Variants in MPP7 observed in about 807,000 individuals in gnomAD.
The protein encoded by MPP7 is MAGUK p55 subfamily member 7.
In MPP7, 60 loss-of-function variants were observed where a neutral mutation model predicts 76.5. The ratio of observed to expected loss-of-function variants is 0.78; its 90% CI spans 0.64 to 0.97. The LOEUF (loss-of-function observed/expected upper bound fraction) is 0.97, where lower values mean the gene tolerates loss of function less well. Among genes scored for constraint, MPP7 ranks in the 50% least tolerant of loss-of-function variants. The pLI, the probability that MPP7 is intolerant of heterozygous loss-of-function variation, is 0.00. For missense variants in MPP7, 641 were observed against 694.0 expected (o/e 0.92, Z 0.86); for synonymous variants, 237 against 244.5 (o/e 0.97, Z 0.29).
chr10:28,210,402 T>C (rs1454584947), intron 2 of MPP7, among the ~76,000 whole-genome samples: 1 of 152,218 alleles, frequency 6.6e-6, no homozygotes, highest in Non-Finnish European at 1.5e-5. Context: ...ATATCTCCTA[T>C]TGGTTTTGTT....
chr10:28,222,200 A>G (rs1838532331), intron 2 of MPP7, among the ~76,000 whole-genome samples: 2 of 138,014 alleles, frequency 1.4e-5, no homozygotes, highest in Admixed American at 7.2e-5. Context: ...TACTACGATT[A>G]AAAAAAAAAA....
intron 1 of MPP7, among the ~76,000 whole-genome samples, chr10:28,331,543 AATTT>A (rs1269584575): frequency 2.0e-5 from 3 of 152,120 alleles, no homozygotes; most frequent in African/African-American, 7.2e-5. Flanking sequence ...TTTAAAAAGC[AATTT>A]TCAGTTTGTA....
chr10:28,079,059 A>C (rs1377744693), intron 12 of MPP7, among the ~76,000 whole-genome samples: 1 of 152,170 alleles, frequency 6.6e-6, no homozygotes, highest in Non-Finnish European at 1.5e-5. Flanking sequence ...TCCCCAAATG[A>C]TCTTGAAATT....
intron 11 of MPP7, among the ~76,000 whole-genome samples, chr10:28,100,504 C>T (rs1853774229): frequency 6.6e-6 from 1 of 151,982 alleles, no homozygotes; most frequent in African/African-American, 2.4e-5. Flanking sequence ...TCTTACAAAA[C>T]AATGTCAGAA....
intron 1 of MPP7, among the ~76,000 whole-genome samples, chr10:28,249,208 A>C (rs2132836151): frequency 6.6e-6 from 1 of 151,230 alleles, no homozygotes; most frequent in African/African-American, 2.4e-5. Flanking sequence ...CAAAGGAAAA[A>C]GACTGCTAAT....
intron 1 of MPP7, among the ~76,000 whole-genome samples, chr10:28,265,588 A>C (rs1018911398): frequency 6.6e-6 from 1 of 152,148 alleles, no homozygotes; most frequent in Non-Finnish European, 1.5e-5. Context: ...ATGCCTTTAC[A>C]TCTTAAAAAA....
chr10:28,310,001 C>A (rs1841280841), intron 2 of MPP7, among the ~76,000 whole-genome samples: 1 of 101,356 alleles, frequency 9.9e-6, no homozygotes, highest in Admixed American at 9.1e-5. Flanking sequence ...GCCAATTAAA[C>A]CTTTTTTTTT....
chr10:28,142,884 G>C (rs763047534), intron 5 of MPP7, among the ~76,000 whole-genome samples: 9 of 152,126 alleles, frequency 5.9e-5, no homozygotes, highest in Non-Finnish European at 1.3e-4. Context: ...GATCAAAACT[G>C]TAAAATGTAC....
chr10:28,206,626 C>T, intron 2 of MPP7, among the ~76,000 whole-genome samples: 1 of 152,046 alleles, frequency 6.6e-6, no homozygotes, highest in East Asian at 1.9e-4. Flanking sequence ...AAATTATTTA[C>T]AATAACTTTG....
intron 13 of MPP7, among the ~76,000 whole-genome samples, chr10:28,067,038 T>C (rs1852018364): frequency 1.3e-5 from 2 of 152,184 alleles, no homozygotes; most frequent in Non-Finnish European, 1.5e-5. Flanking sequence ...AACGTACTTA[T>C]GCATTTCCAT....
chr10:28,251,208 T>C (rs879912677), intron 1 of MPP7, among the ~76,000 whole-genome samples: 2 of 152,208 alleles, frequency 1.3e-5, no homozygotes, highest in Non-Finnish European at 2.9e-5. Flanking sequence ...CTCAAGCCTG[T>C]AACACCAGCA....
chr10:28,057,384 T>A (rs928321702), intron 15 of MPP7, among the ~76,000 whole-genome samples: 2 of 152,128 alleles, frequency 1.3e-5, no homozygotes, highest in Non-Finnish European at 2.9e-5. Flanking sequence ...CCCTTGGTGC[T>A]GTCATCACAA....
At chr10:28,179,849 A>G (rs1837002464) in intron 3 of MPP7, among the ~76,000 whole-genome samples, 1 of 152,216 alleles carries the variant, frequency 6.6e-6, no homozygotes, top group Admixed American at 6.5e-5. Context: ...TACCATCTGT[A>G]TAATTTATAA....
rs1471742312 is a variant in MPP7 at position 28,299,680 on chromosome 10, CCTGA to C, written c.-132+3177_-132+3180del. On this transcript the variant is annotated intron_variant, in intron 1 of 16. Coordinates refer to ENST00000683449, the MANE Select transcript of MPP7 (RefSeq NM_001318170.2). ...AAACACAGTATCTTCAGAGAGCAAG[CCTGA>C]CTAACAATTTCCTTCACTTTAAATT... is the stretch of plus-strand genomic sequence containing the variant. 3.9e-5 allele frequency among the ~76,000 whole-genome samples: 6 copies of C among 152,056 alleles called. No homozygotes were observed. In the East Asian group the frequency reaches 9.6e-4, roughly 24 times the overall value.
chr10:28,257,489 G>T (rs377035666), intron 1 of MPP7, among the ~76,000 whole-genome samples: 1 of 149,012 alleles, frequency 6.7e-6, no homozygotes, highest in African/African-American at 2.5e-5. Flanking sequence ...GTAAACTATC[G>T]CAAGAACAAA....
chr10:28,229,946 T>C (rs111483795), intron 2 of MPP7, among the ~76,000 whole-genome samples: 1 of 151,048 alleles, frequency 6.6e-6, no homozygotes, highest in Non-Finnish European at 1.5e-5. Flanking sequence ...AGGTCTGGGG[T>C]TTTTTATTTT....
At chr10:28,268,994 T>C (rs1447689642) in intron 1 of MPP7, among the ~76,000 whole-genome samples, 1 of 152,220 alleles carries the variant, frequency 6.6e-6, no homozygotes, top group Non-Finnish European at 1.5e-5. Flanking sequence ...GGAATATTCA[T>C]GAATATATAC....
intron 11 of MPP7, chr10:28,118,554 T>A (rs1452941362): frequency 2.0e-6 from 2 of 985,284 alleles, no homozygotes; most frequent in African/African-American, 1.7e-5. Flanking sequence ...TGTTAGTGAG[T>A]TGGCCAGTGA....
chr10:28,099,909 A>G (rs1216175516), intron 11 of MPP7, among the ~76,000 whole-genome samples: 3 of 151,218 alleles, frequency 2.0e-5, no homozygotes, highest in South Asian at 2.1e-4. Flanking sequence ...TTCAACGGAG[A>G]AAAAAAAACA....
Sources: allele counts gnomAD v4.1 joint callset (sites outside exome capture counted in the v4.1 genomes callset), GRCh38; gene constraint gnomAD v4.1.1; transcripts MANE v1.5; gene names NCBI Gene and HGNC (gene_info 2026-07-23, HGNC 2026-07-21).